PAX9: variants seen among roughly 807,000 people sequenced by gnomAD.
PAX9 encodes the protein paired box protein Pax-9.
A neutral mutation model predicts 29.1 loss-of-function variants in PAX9; 6 were observed. That is an observed-to-expected ratio of 0.21 (90% CI 0.11 to 0.41). PAX9 has a LOEUF of 0.41. Among genes scored for constraint, PAX9 ranks in the 10% least tolerant of loss-of-function variants. The pLI is 1.00. For synonymous variants in PAX9, 217 were observed against 211.7 expected, an observed-to-expected ratio of 1.03 and a Z score of -0.22; for missense variants, 443 against 479.1, an observed-to-expected ratio of 0.92 and a Z score of 0.70.
chr14:36,659,302 C>T (rs1313481777), upstream of PAX9, among the ~76,000 whole-genome samples: 1 of 152,176 alleles, frequency 6.6e-6, no homozygotes, highest in Non-Finnish European at 1.5e-5. Context: ...TTAGTGTTCT[C>T]TCTTTTCCTT....
Position 36,661,986 on chromosome 14 carries a change from C to T in PAX9, c.-104C>T, listed in dbSNP as rs375990805. 5.2e-5 allele frequency: 76 copies of T among 1,449,556 alleles called. No homozygotes were observed. Among genetic ancestry groups the T allele is most frequent in the South Asian group, 5.0e-4 (41 of 81,980 alleles). 89.8% of individuals were successfully genotyped at this position (1,449,556 alleles called of 1,614,324 possible). On this transcript the variant is annotated 5_prime_UTR_variant, in exon 1 of 4. Transcript: ENST00000361487. The stretch of plus-strand genomic sequence containing the variant: ...TCCTCCTGGGAAGAAGCGGAGGCGC[C>T]GGCGGTCGGCCGGGATAGCAACAGG...
chr14:36,675,431 G>T (rs921835487), intron 3 of PAX9, among the ~76,000 whole-genome samples: 3 of 152,198 alleles, frequency 2.0e-5, no homozygotes, highest in Non-Finnish European at 4.4e-5. Context: ...CACTTCAAGA[G>T]ATTTATCCAC....
chr14:36,675,491 A>G (rs1881851949), intron 3 of PAX9, among the ~76,000 whole-genome samples: 1 of 152,220 alleles, frequency 6.6e-6, no homozygotes, highest in African/African-American at 2.4e-5. Flanking sequence ...TGCAAGCAAA[A>G]TTTCCAGTTT....
At chr14:36,667,093 C>G (rs1174053943) in intron 3 of PAX9, among the ~76,000 whole-genome samples, 2 of 152,190 alleles carry the variant, frequency 1.3e-5, no homozygotes, top group Admixed American at 6.5e-5. Context: ...TCCTCACGTT[C>G]GGACTTTCTC....
At chr14:36,674,213 T>A (rs559949513) in intron 3 of PAX9, among the ~76,000 whole-genome samples, 14 of 152,336 alleles carry the variant, frequency 9.2e-5, no homozygotes, top group African/African-American at 3.4e-4. Flanking sequence ...AAACTATTCT[T>A]TTTTTAGAAG....
chr14:36,661,670 T>C (rs916520235), upstream of PAX9: 2 of 262,760 alleles, frequency 7.6e-6, no homozygotes, highest in African/African-American at 2.2e-5. Context: ...TGGGAAGATG[T>C]CAAACACCCA....
In PAX9 at chr14:36,666,489, C is replaced by A; in HGVS notation, c.659C>A (p.Pro220His). Residue 220 changes from proline to histidine, a missense_variant, in exon 3 of 4, where the codon CCC (proline) becomes CAC (histidine). Pro to His is a moderately conservative substitution (Grantham distance 77). Around this residue, in one of 2 missense-constraint regions of PAX9, gnomAD observed 336 missense variants for 317.2 expected, o/e 1.06. Coordinates refer to ENST00000361487, the MANE Select transcript of PAX9 (RefSeq NM_001372076.1). ...QVSDSSPYHS[P>H]KVEEWSSLGR... ...AGCGACAGCTCCCCCTACCACAGCC[C>A]CAAGGTGGAGGAGTGGAGCAGCCTG... 6.2e-7 allele frequency: 1 copy of A among 1,610,940 alleles called. No homozygotes were observed. Among genetic ancestry groups the A allele is most frequent in the Non-Finnish European group, 8.5e-7 (1 of 1,178,932 alleles).
Position 36,676,536 on chromosome 14 carries a change from C to G in PAX9, c.*84C>G, listed in dbSNP as rs888155128. On this transcript the variant is annotated 3_prime_UTR_variant, in exon 4 of 4. Coordinates refer to ENST00000361487, the MANE Select transcript of PAX9 (RefSeq NM_001372076.1). ...CCAATTCCCAGGTCTCACATCCCAC[C>G]CCTCCTGCCCTCCAACCCTTCTGCC... The G allele has an allele frequency of 1.4e-5, 20 of 1,472,732 alleles. No individual in the cohort carries two copies. The highest frequency in any genetic ancestry group is 1.7e-5 in the Non-Finnish European group (18 of 1,075,942). The allele number at this position is 1,472,732 out of a possible 1,614,324, so 91.2% of individuals were successfully genotyped here. A position where few individuals can be genotyped will look rare whatever the true frequency, so the allele number is the denominator to read the frequency against.
chr14:36,669,565 G>A (rs1402266057), intron 3 of PAX9, among the ~76,000 whole-genome samples: 2 of 152,056 alleles, frequency 1.3e-5, no homozygotes, highest in Non-Finnish European at 2.9e-5. Flanking sequence ...GAATCATAGA[G>A]CTTAAAGCAT....
At chr14:36,674,205 A>G (rs954750343) in intron 3 of PAX9, among the ~76,000 whole-genome samples, 10 of 152,370 alleles carry the variant, frequency 6.6e-5, no homozygotes, top group African/African-American at 2.4e-4. Flanking sequence ...AGTGGAAGAA[A>G]CTATTCTTTT....
intron 3 of PAX9, 28 bp from the exon 4 acceptor site, chr14:36,676,170 T>G: frequency 6.2e-7 from 1 of 1,612,496 alleles, no homozygotes; most frequent in African/African-American, 1.4e-5. Flanking sequence ...AATGTGATTA[T>G]TTTTCACTTC....
chr14:36,664,067 A>G (rs949899148), intron 2 of PAX9, among the ~76,000 whole-genome samples: 7 of 152,146 alleles, frequency 4.6e-5, no homozygotes, highest in Non-Finnish European at 7.4e-5. Flanking sequence ...TTCAAATGTC[A>G]CCTAATTGGT....
rs568053183 is a variant in PAX9 at position 36,666,231 on chromosome 14, G to T, written c.632-231G>T. On this transcript the variant is annotated intron_variant, in intron 2 of 3. Transcript: ENST00000361487. ...AAGAAAAAAGTGTCTTCCCTCAGGCGTGGGTCAGAGAATTTGGAAAGGCCT... is the reference window on the plus strand; with the variant it reads ...AAGAAAAAAGTGTCTTCCCTCAGGCTTGGGTCAGAGAATTTGGAAAGGCCT... The T allele has an allele frequency of 5.3e-6, 3 of 564,668 alleles. No homozygotes were observed. The South Asian group carries it at 7.4e-5, about 14-fold the overall frequency. 35.0% of individuals were successfully genotyped at this position (564,668 alleles called of 1,614,324 possible). A position where few individuals can be genotyped will look rare whatever the true frequency, so the allele number is the denominator to read the frequency against.
At chr14:36,661,399 G>A (rs556228101), upstream of PAX9, among the ~76,000 whole-genome samples, 1 of 152,344 alleles carries the variant, frequency 6.6e-6, no homozygotes, top group South Asian at 2.1e-4. Flanking sequence ...GGTAGAATCG[G>A]CAGGTGACAC....
At position 36,678,629 on chromosome 14, in the gene PAX9, G is replaced by A. The variant is rs749871857; in HGVS notation, c.*2177G>A. 2 of 1,291,168 alleles carry A rather than the reference G, an allele frequency of 1.5e-6. No homozygotes were observed. The highest frequency in any genetic ancestry group is 3.0e-5 in the South Asian group (1 of 33,202). 80.0% of individuals were successfully genotyped at this position (1,291,168 alleles called of 1,614,324 possible). On this transcript the variant is annotated 3_prime_UTR_variant, in exon 4 of 4. Coordinates refer to ENST00000361487, the MANE Select transcript of PAX9 (RefSeq NM_001372076.1). ...GGTACAGAACTATTCTTTATCAAAT[G>A]TTTTTAGGTGGCTGTTAGGGGGCTT...
chr14:36,669,354 A>G (rs1881625093), intron 3 of PAX9, among the ~76,000 whole-genome samples: 1 of 152,196 alleles, frequency 6.6e-6, no homozygotes, highest in African/African-American at 2.4e-5. Flanking sequence ...TGGAATCAGC[A>G]TATTTCAACC....
At chr14:36,659,506 G>C (rs1248809050), upstream of PAX9, among the ~76,000 whole-genome samples, 1 of 152,140 alleles carries the variant, frequency 6.6e-6, no homozygotes, top group East Asian at 1.9e-4. Context: ...GCTTGCCGCG[G>C]ATACTTAGTG....
At chr14:36,659,444 G>A (rs895919478), upstream of PAX9, among the ~76,000 whole-genome samples, 1 of 152,166 alleles carries the variant, frequency 6.6e-6, no homozygotes, top group Non-Finnish European at 1.5e-5. Context: ...CTGGGATCCC[G>A]CTGACCCTGT....
chr14:36,662,203 C>A (rs1594466157), intron 1 of PAX9, 110 bp downstream of exon 1: 5 of 1,216,852 alleles, frequency 4.1e-6, no homozygotes, highest in African/African-American at 1.5e-5. Context: ...TAGGCGCTCA[C>A]ATTCTCTATT....
Sources: gnomAD v4.1 joint callset for allele counts (sites outside exome capture counted in the v4.1 genomes callset) on GRCh38, gnomAD v4.1.1 for gene constraint, gnomAD v4.1.1 regional missense constraint, MANE v1.5 for transcripts, NCBI Gene and HGNC (gene_info 2026-07-23, HGNC 2026-07-21) for gene names.